The following SLC38A9 variants were observed in gnomAD, a reference collection of about 807,000 sequenced individuals.
The protein encoded by SLC38A9 is solute carrier family 38 member 9.
A neutral mutation model predicts 62.3 loss-of-function variants in SLC38A9; 48 were observed. The ratio of observed to expected loss-of-function variants is 0.77; its 90% CI spans 0.61 to 0.98. The LOEUF (loss-of-function observed/expected upper bound fraction) is 0.98. Ranked by LOEUF, SLC38A9 falls within the 50% of genes least tolerant of loss-of-function variation. SLC38A9 has a pLI of 0.00. For synonymous variants in SLC38A9, 204 were observed against 227.7 expected, an observed-to-expected ratio of 0.90 and a Z score of 0.94; for missense variants, 541 against 679.8, an observed-to-expected ratio of 0.80 and a Z score of 2.27.
intron 2 of SLC38A9, among the ~76,000 whole-genome samples, chr5:55,703,747 G>A (rs929081545): frequency 2.0e-5 from 3 of 152,140 alleles, no homozygotes; most frequent in Non-Finnish European, 4.4e-5. Flanking sequence ...ACATTAAGAT[G>A]GAATGAAGTT....
intron 2 of SLC38A9, among the ~76,000 whole-genome samples, chr5:55,707,028 T>C (rs978767351): frequency 2.0e-5 from 3 of 151,460 alleles, no homozygotes; most frequent in Non-Finnish European, 4.4e-5. Context: ...TGCAACCTCC[T>C]CCCGCCAGGC....
rs750415193 is a variant in SLC38A9 at position 55,656,737 on chromosome 5, C to A, written c.735G>T (p.Leu245=). The change falls in exon 9 of 16, where the codon CTG becomes CTT. Residue 245 remains leucine (L), a synonymous_variant. Transcript: ENST00000396865. ...TACCAGGGTTGCTATTATTGGTACT[C>A]AGTATAGTGTCTGTGTCATTAATGT... ...IHHINDTDTI[L]STNNSNPVIC... 2.5e-6 allele frequency: 4 copies of A among 1,597,888 alleles called. No homozygotes were observed. The highest frequency in any genetic ancestry group is 1.7e-5 in the Admixed American group (1 of 59,358).
At position 55,626,498 on chromosome 5, in the gene SLC38A9, A is replaced by G. The variant is rs574078404; in HGVS notation, c.1682T>C (p.Met561Thr). The G allele has an allele frequency of 3.2e-5, 51 of 1,611,216 alleles. No individual in the cohort carries two copies. The East Asian group carries it at 1.0e-3, about 32-fold the overall frequency. ...GAAAAAAACAGTTGAGGTATTTCAC[A>G]TAAAAAACTGAACAATCAGGTTAGC... ...GVANLIVQFF[M>T] Residue 561 changes from methionine (M) to threonine (T), a missense_variant, in exon 16 of 16, where the codon ATG becomes ACG. By Grantham distance (81) the Met-to-Thr change is moderately conservative. Coordinates refer to ENST00000396865, the MANE Select transcript of SLC38A9 (RefSeq NM_173514.4).
chr5:55,651,245 C>CTTTTTTTT lies in SLC38A9; in HGVS notation c.952+1283_952+1284insAAAAAAAA, dbSNP rs1561337614. Among the ~76,000 whole-genome samples the CTTTTTTTT allele has an allele frequency of 3.2e-4, 18 of 56,162 alleles. 1 individual carries two copies. In the East Asian group the frequency reaches 6.0e-3, roughly 19 times the overall value. 36.8% of individuals were successfully genotyped at this position (56,162 alleles called of 152,430 possible). On this transcript the variant is annotated intron_variant, in intron 10 of 15. Coordinates refer to ENST00000396865, the MANE Select transcript of SLC38A9 (RefSeq NM_173514.4). ...CTTTCACTGGGGGGGTTCCTTTTGC[C>CTTTTTTTT]ATCTTTTTTTTTTTTTTTTTTTTAA...
rs555492522 is a variant in SLC38A9 at position 55,646,776 on chromosome 5, G to C, written c.1061-881C>G. On this transcript the variant is annotated intron_variant, in intron 11 of 15. Transcript: ENST00000396865. ...TATTGTTTTATTCTTTTTGAGATAG[G>C]GTCTCACTCTGTCACCCAGGCTGGA... 1.3e-3 allele frequency among the ~76,000 whole-genome samples: 199 copies of C among 152,006 alleles called. No homozygotes were observed. The Middle Eastern group carries it at 0.014, about 10-fold the overall frequency.
Position 55,664,874 on chromosome 5 carries a change from T to G in SLC38A9, c.527-11A>C. The G allele has an allele frequency of 1.3e-6, 2 of 1,499,070 alleles. No homozygotes were observed. The highest frequency in any genetic ancestry group is 1.8e-6 in the Non-Finnish European group (2 of 1,115,468). 92.9% of individuals were successfully genotyped at this position (1,499,070 alleles called of 1,614,324 possible). On this transcript the variant is annotated splice_polypyrimidine_tract_variant and intron_variant, in intron 7 of 15. Coordinates refer to ENST00000396865, the MANE Select transcript of SLC38A9 (RefSeq NM_173514.4). The stretch of plus-strand genomic sequence containing the variant: ...TGGTATCCAACGAAACTAGATAAAA[T>G]AAGAGAAAGAATAAAACTAAATGTT...
chr5:55,699,238 G>C lies in SLC38A9; in HGVS notation c.-34-1246C>G, dbSNP rs538715349. ...CCACTGCACTCTAGCCTGGGTGACAGAGCTAGACTCATCTCAAAAAAATAA... is the reference window on the plus strand; with the variant it reads ...CCACTGCACTCTAGCCTGGGTGACACAGCTAGACTCATCTCAAAAAAATAA... On this transcript the variant is annotated intron_variant, in intron 2 of 15. Coordinates refer to ENST00000396865, the MANE Select transcript of SLC38A9 (RefSeq NM_173514.4). Among the ~76,000 whole-genome samples the C allele has an allele frequency of 2.6e-5, 4 of 152,288 alleles. No homozygotes were observed. In the South Asian group the frequency reaches 6.2e-4, roughly 24 times the overall value.
At chr5:55,635,461 A>T (rs983421081) in intron 13 of SLC38A9, 83 bp downstream of exon 13, 19 of 985,138 alleles carry the variant, frequency 1.9e-5, no homozygotes, top group Non-Finnish European at 2.9e-5. Flanking sequence ...ATCTGATGTT[A>T]TATCTTGCCA....
chr5:55,644,509 T>C (rs13158858), intron 12 of SLC38A9, among the ~76,000 whole-genome samples: 98,413 of 151,954 alleles, frequency 0.65, 32,108 homozygotes, highest in South Asian at 0.73. Flanking sequence ...CTGCAACCTC[T>C]GCCTCCCAGT....
At chr5:55,655,367 T>C (rs11750089) in intron 9 of SLC38A9, among the ~76,000 whole-genome samples, 90,431 of 152,004 alleles carry the variant, frequency 0.59, 27,581 homozygotes, top group South Asian at 0.7. Context: ...CTATTAACTT[T>C]AGATATTAGT....
At chr5:55,689,059 G>A (rs1242185606) in intron 3 of SLC38A9, among the ~76,000 whole-genome samples, 1 of 152,138 alleles carries the variant, frequency 6.6e-6, no homozygotes. Flanking sequence ...TAAGTATCAG[G>A]TCAGATCTGT....
At position 55,645,970 on chromosome 5, in the gene SLC38A9, C is replaced by T. The variant is rs950912823; in HGVS notation, c.1061-75G>A. ...AGTATTGGTAGCCAAAAGTTGACTA[C>T]TAAAAATCAGTTGTCACTGTTTTAT... On this transcript the variant is annotated intron_variant, in intron 11 of 15. Coordinates refer to ENST00000396865, the MANE Select transcript of SLC38A9 (RefSeq NM_173514.4). 3.3e-6 allele frequency: 3 copies of T among 910,282 alleles called. No individual in the cohort carries two copies. In the African/African-American group the frequency reaches 5.1e-5, roughly 15 times the overall value. The allele number at this position is 910,282 out of a possible 1,614,324, so 56.4% of individuals were successfully genotyped here. A position where few individuals can be genotyped will look rare whatever the true frequency, so the allele number is the denominator to read the frequency against.
chr5:55,670,140 AT>A (rs1457975993), intron 4 of SLC38A9, among the ~76,000 whole-genome samples: 1 of 151,660 alleles, frequency 6.6e-6, no homozygotes, highest in Non-Finnish European at 1.5e-5. Flanking sequence ...AATTTTTTGT[AT>A]TTTTTTGTAG....
intron 8 of SLC38A9, among the ~76,000 whole-genome samples, chr5:55,657,375 T>TA (rs1222631014): frequency 6.6e-6 from 1 of 152,196 alleles, no homozygotes; most frequent in Non-Finnish European, 1.5e-5. Context: ...GATATGTATG[T>TA]AAGTTTTCTC....
At chr5:55,667,355 C>T (rs1416741100) in intron 7 of SLC38A9, among the ~76,000 whole-genome samples, 2 of 152,090 alleles carry the variant, frequency 1.3e-5, no homozygotes, top group African/African-American at 4.8e-5. Context: ...CGGTACTTGT[C>T]TGGGAATAAA....
intron 3 of SLC38A9, among the ~76,000 whole-genome samples, chr5:55,697,527 G>A (rs912210775): frequency 6.6e-6 from 1 of 150,950 alleles, no homozygotes; most frequent in Non-Finnish European, 1.5e-5. Flanking sequence ...CTTCTACCTC[G>A]AGCACTTAGC....
At chr5:55,702,884 G>A (rs1490605333) in intron 2 of SLC38A9, 2 of 151,974 alleles carry the variant, frequency 1.3e-5, no homozygotes, top group East Asian at 1.9e-4. Context: ...GCTCTCATTA[G>A]CTTAGTCCTA....
At chr5:55,651,013 A>G (rs1407287229) in intron 10 of SLC38A9, among the ~76,000 whole-genome samples, 1 of 151,626 alleles carries the variant, frequency 6.6e-6, no homozygotes, top group Non-Finnish European at 1.5e-5. Context: ...TTGGTCTCGA[A>G]CTCCTGACCT....
At chr5:55,669,512 G>A in intron 6 of SLC38A9, 45 bp downstream of exon 6, 1 of 1,517,208 alleles carries the variant, frequency 6.6e-7, no homozygotes. Flanking sequence ...ACAATATAAA[G>A]AGAAAAACAT....
Sources: gnomAD v4.1 joint callset for allele counts (sites outside exome capture counted in the v4.1 genomes callset) on GRCh38, gnomAD v4.1.1 for gene constraint, MANE v1.5 for transcripts, NCBI Gene and HGNC (gene_info 2026-07-23, HGNC 2026-07-21) for gene names.